The following CTIF variants were observed in gnomAD, a reference collection of about 807,000 sequenced individuals.
CTIF encodes the protein cap binding complex dependent translation initiation factor, also known as CBP80/20-dependent translation initiation factor.
In CTIF, 21 loss-of-function variants were observed where a neutral mutation model predicts 66.0. That is an observed-to-expected ratio of 0.32 (90% CI 0.23 to 0.46). CTIF has a LOEUF of 0.46. Ranked by LOEUF, CTIF falls within the 20% of genes least tolerant of loss-of-function variation. The probability of loss-of-function intolerance (pLI) is 1.00; values close to 1 mark genes in which losing one functional copy is unlikely to be tolerated. For synonymous variants in CTIF, 345 were observed against 326.4 expected (o/e 1.06, Z -0.62); for missense variants, 739 against 812.7 (o/e 0.91, Z 1.10).
At chr18:48,744,712 A>T (rs2092581220) in intron 7 of CTIF, among the ~76,000 whole-genome samples, 1 of 152,222 alleles carries the variant, frequency 6.6e-6, no homozygotes, top group African/African-American at 2.4e-5. Context: ...ACTGTAATTG[A>T]GTCTGTAGAC....
chr18:48,790,473 A>G (rs920433486), intron 9 of CTIF, among the ~76,000 whole-genome samples: 2 of 152,228 alleles, frequency 1.3e-5, no homozygotes, highest in Non-Finnish European at 2.9e-5. Flanking sequence ...AGGCTGCCAA[A>G]TCCAACAGGA....
At chr18:48,733,247 G>T (rs2092471397) in intron 7 of CTIF, among the ~76,000 whole-genome samples, 1 of 152,102 alleles carries the variant, frequency 6.6e-6, no homozygotes, top group African/African-American at 2.4e-5. Context: ...AGAGGGAAGT[G>T]GGAAACTGTG....
intron 10 of CTIF, among the ~76,000 whole-genome samples, chr18:48,821,223 C>A (rs2068477145): frequency 6.6e-6 from 1 of 152,228 alleles, no homozygotes; most frequent in African/African-American, 2.4e-5. Context: ...CCTTACTGCT[C>A]CATCCTCACC....
At chr18:48,705,221 C>A (rs1331650171) in intron 6 of CTIF, among the ~76,000 whole-genome samples, 1 of 152,194 alleles carries the variant, frequency 6.6e-6, no homozygotes, top group Non-Finnish European at 1.5e-5. Context: ...GGCTGCGCTC[C>A]TTCTTCCAAG....
chr18:48,729,787 G>T (rs1182329774), intron 7 of CTIF, among the ~76,000 whole-genome samples: 1 of 152,232 alleles, frequency 6.6e-6, no homozygotes, highest in Admixed American at 6.5e-5. Context: ...ATATGGTGGG[G>T]GTTCAGAATG....
At chr18:48,578,462 T>A (rs1038241485) in intron 1 of CTIF, among the ~76,000 whole-genome samples, 1 of 152,216 alleles carries the variant, frequency 6.6e-6, no homozygotes, top group Non-Finnish European at 1.5e-5. Flanking sequence ...AGGGTTCCAG[T>A]TTCTCTACAT....
chr18:48,720,689 A>G (rs2092326872), intron 7 of CTIF, among the ~76,000 whole-genome samples: 1 of 152,198 alleles, frequency 6.6e-6, no homozygotes, highest in East Asian at 1.9e-4. Flanking sequence ...CATTTCTTCA[A>G]GCCAGATGTC....
chr18:48,730,712 C>CGGCGTGAGGGGCTTCT (rs1555681537), intron 7 of CTIF, among the ~76,000 whole-genome samples: 4 of 71,232 alleles, frequency 5.6e-5, no homozygotes, highest in Non-Finnish European at 1.1e-4. Flanking sequence ...GAGGGGCTTC[C>CGGCGTGAGGGGCTTCT]GCGGTGTGAG....
chr18:48,673,995 A>G (rs79638125), intron 6 of CTIF, among the ~76,000 whole-genome samples: 6,415 of 152,216 alleles, frequency 0.042, 180 homozygotes, highest in South Asian at 0.11. Flanking sequence ...CCCCGCCCCA[A>G]CTGCAAGGGC....
At position 48,616,259 on chromosome 18, in the gene CTIF, G is replaced by A. The variant is rs77595265; in HGVS notation, c.-28-3279G>A. Reference sequence around the variant, plus strand: ...TGTGTATTGACTTCTCCTGCAGGTGGCTCCTTTTCAGCCCTCTCTGGACAT... The same window carrying A: ...TGTGTATTGACTTCTCCTGCAGGTGACTCCTTTTCAGCCCTCTCTGGACAT... On this transcript the variant is annotated intron_variant, in intron 1 of 11. Transcript: ENST00000256413. Among the ~76,000 whole-genome samples, 143 of 152,340 alleles carry A rather than the reference G, an allele frequency of 9.4e-4. 3 individuals are homozygous for A. The highest frequency in any genetic ancestry group is 3.4e-3 in the African/African-American group (140 of 41,580).
chr18:48,615,532 G>A (rs76935008), intron 1 of CTIF, among the ~76,000 whole-genome samples: 3,233 of 152,298 alleles, frequency 0.021, 123 homozygotes, highest in African/African-American at 0.071. Context: ...GGGGAGGACC[G>A]ACAAGTGAGG....
intron 8 of CTIF, among the ~76,000 whole-genome samples, chr18:48,759,001 C>T (rs1482600140): frequency 6.6e-6 from 1 of 152,130 alleles, no homozygotes; most frequent in African/African-American, 2.4e-5. Context: ...CAGGTGCCTA[C>T]CTGTGCCAGC....
intron 1 of CTIF, among the ~76,000 whole-genome samples, chr18:48,598,809 G>A (rs946759304): frequency 2.0e-5 from 3 of 152,170 alleles, no homozygotes; most frequent in African/African-American, 7.2e-5. Flanking sequence ...GTACTTTATG[G>A]GGACTATCTT....
chr18:48,820,023 A>T (rs376029216), intron 10 of CTIF, among the ~76,000 whole-genome samples: 1 of 152,242 alleles, frequency 6.6e-6, no homozygotes, highest in Non-Finnish European at 1.5e-5. Context: ...GCTAGTTGTC[A>T]TCTAGGCTGA....
chr18:48,791,770 ATCTC>A (rs908550546), intron 9 of CTIF, among the ~76,000 whole-genome samples: 4 of 151,924 alleles, frequency 2.6e-5, no homozygotes, highest in African/African-American at 4.8e-5. Context: ...TCCCAGATTA[ATCTC>A]TCTCTCTCTG....
intron 2 of CTIF, among the ~76,000 whole-genome samples, chr18:48,621,965 G>A (rs2090501563): frequency 6.6e-6 from 1 of 152,216 alleles, no homozygotes; most frequent in South Asian, 2.1e-4. Flanking sequence ...CAGGTGTGGG[G>A]CCGCGCATCT....
chr18:48,848,187 C>T (rs1193856418), intron 10 of CTIF, among the ~76,000 whole-genome samples: 2 of 152,224 alleles, frequency 1.3e-5, no homozygotes. Context: ...GGCCTTTACC[C>T]GTCACTATCT....
chr18:48,585,619 CTT>C (rs1276609799), intron 1 of CTIF, among the ~76,000 whole-genome samples: 1 of 152,290 alleles, frequency 6.6e-6, no homozygotes, highest in Middle Eastern at 3.4e-3. Context: ...CTCCAAAACT[CTT>C]TGAAGAATCT....
At chr18:48,743,698 G>A (rs1195994964) in intron 7 of CTIF, among the ~76,000 whole-genome samples, 1 of 152,154 alleles carries the variant, frequency 6.6e-6, no homozygotes, top group African/African-American at 2.4e-5. Context: ...CACAAACCTT[G>A]TAATTCACTT....
Sources: gnomAD v4.1 joint callset for allele counts (sites outside exome capture counted in the v4.1 genomes callset) on GRCh38, gnomAD v4.1.1 for gene constraint, MANE v1.5 for transcripts, NCBI Gene and HGNC (gene_info 2026-07-23, HGNC 2026-07-21) for gene names.